The following GNG7 variants were observed in gnomAD, a reference collection of about 807,000 sequenced individuals.
GNG7 encodes the protein G protein subunit gamma 7, also known as guanine nucleotide-binding protein G(I)/G(S)/G(O) subunit gamma-7.
Under a neutral mutation model 4.0 loss-of-function variants are expected in GNG7, and 1 was observed. The ratio of observed to expected loss-of-function variants is 0.25; its 90% CI spans 0.09 to 1.18. GNG7 has a LOEUF of 1.18. Among genes scored for constraint, GNG7 ranks in the 50% most tolerant of loss-of-function variants. The pLI is 0.50. For missense variants in GNG7, 86 were observed against 91.9 expected, an observed-to-expected ratio of 0.94 and a Z score of 0.26; for synonymous variants, 34 against 36.9, an observed-to-expected ratio of 0.92 and a Z score of 0.29.
At chr19:2,688,927 C>G (rs1401132650) in intron 1 of GNG7, among the ~76,000 whole-genome samples, 3 of 151,650 alleles carry the variant, frequency 2.0e-5, no homozygotes, top group African/African-American at 7.3e-5. Context: ...TAGCCAGGCA[C>G]GGGGTTGCGT....
intron 2 of GNG7, among the ~76,000 whole-genome samples, chr19:2,606,816 C>G (rs1370061205): frequency 1.3e-5 from 2 of 151,608 alleles, no homozygotes; most frequent in Non-Finnish European, 2.9e-5. Context: ...CAAAACTAAA[C>G]TGAGAAGGTT....
In GNG7 at chr19:2,633,913, AC is replaced by A. The variant is rs1312190413; in HGVS notation, c.-78+12310del. On this transcript the variant is annotated intron_variant, in intron 2 of 4. Coordinates refer to ENST00000382159, the MANE Select transcript of GNG7 (RefSeq NM_052847.3). The surrounding 1 kb of genome is among the most constrained non-coding windows in gnomAD (Gnocchi z 5.9). Reference sequence around the variant, plus strand: ...CCCTGACCTCCACCCCATGGCATCCACCAATCGAGGCAGCCACAAATGTCTC... The same window carrying A: ...CCCTGACCTCCACCCCATGGCATCCACAATCGAGGCAGCCACAAATGTCTC... Among the ~76,000 whole-genome samples, 1 of 151,914 alleles carries A rather than the reference AC, an allele frequency of 6.6e-6. No homozygotes were observed. Among genetic ancestry groups the A allele is most frequent in the Non-Finnish European group, 1.5e-5 (1 of 67,946 alleles).
In GNG7 at chr19:2,587,120, G is replaced by A; in HGVS notation, c.-77-31932C>T. 1.3e-5 allele frequency among the ~76,000 whole-genome samples: 2 copies of A among 152,096 alleles called. 1 individual carries two copies. Among genetic ancestry groups the A allele is most frequent in the Admixed American group, 1.3e-4 (2 of 15,256 alleles). ...AGACGTCACCCGATGTCCCCCAGGG[G>A]CTAGGATCAGCCGCAGGTTAGGACC... On this transcript the variant is annotated intron_variant, in intron 2 of 4. Transcript: ENST00000382159.
intron 2 of GNG7, among the ~76,000 whole-genome samples, chr19:2,598,990 G>C (rs1981118570): frequency 6.6e-6 from 1 of 152,220 alleles, no homozygotes; most frequent in South Asian, 2.1e-4. Context: ...GAAGTTTCTA[G>C]CATACAGTTC....
At chr19:2,654,663 G>A (rs188614397) in intron 1 of GNG7, among the ~76,000 whole-genome samples, 5 of 152,354 alleles carry the variant, frequency 3.3e-5, no homozygotes, top group Non-Finnish European at 7.4e-5. Context: ...GGAGAATCCC[G>A]GGAACTGGAG....
rs528981346 is a variant in GNG7 at position 2,557,245 on chromosome 19, G to GCA, written c.-77-2059_-77-2058dup. Among the ~76,000 whole-genome samples, 2 of 148,418 alleles carry GCA rather than the reference G, an allele frequency of 1.3e-5. No homozygotes were observed. Among genetic ancestry groups the GCA allele is most frequent in the Non-Finnish European group, 3.0e-5 (2 of 67,174 alleles). On this transcript the variant is annotated intron_variant, in intron 2 of 4. Transcript: ENST00000382159. This position sits in a 1 kb window ranked among gnomAD's most constrained non-coding sequence, Gnocchi z 5.1. The stretch of plus-strand genomic sequence containing the variant: ...CACATGCACACACAGACGCACATGT[G>GCA]CACACACACGTGCACACACATTTGC...
intron 2 of GNG7, among the ~76,000 whole-genome samples, chr19:2,567,625 C>T (rs191690349): frequency 3.2e-4 from 49 of 152,238 alleles, no homozygotes; most frequent in Admixed American, 1.8e-3. Context: ...TGCACTGGGC[C>T]GGTGTCCTCT....
chr19:2,608,550 C>T (rs1981465661), intron 2 of GNG7, among the ~76,000 whole-genome samples: 1 of 152,252 alleles, frequency 6.6e-6, no homozygotes, highest in South Asian at 2.1e-4. Context: ...CCTCTCGAGT[C>T]ATCTGCAGAG....
intron 2 of GNG7, chr19:2,642,428 C>CCG: frequency 3.3e-6 from 1 of 306,238 alleles, no homozygotes; most frequent in Admixed American, 4.7e-5. Context: ...TGCAGTGGTG[C>CCG]AATCATAGCC....
rs116433608 is a variant in GNG7 at position 2,589,477 on chromosome 19, C to A, written c.-77-34289G>T. Among the ~76,000 whole-genome samples, 478 of 150,028 alleles carry A rather than the reference C, an allele frequency of 3.2e-3. 4 individuals carry two copies. Among genetic ancestry groups the A allele is most frequent in the African/African-American group, 0.011 (456 of 40,710 alleles). On this transcript the variant is annotated intron_variant, in intron 2 of 4. Coordinates refer to ENST00000382159, the MANE Select transcript of GNG7 (RefSeq NM_052847.3). ...TCAAGTGATCCGTCCGCCTTGGCCT[C>A]CCTAAGTGCTGAGATCACAGGCATG...
intron 2 of GNG7, among the ~76,000 whole-genome samples, chr19:2,569,316 C>T (rs1037810955): frequency 6.6e-6 from 1 of 152,112 alleles, no homozygotes; most frequent in African/African-American, 2.4e-5. Context: ...CGCTCTGTCG[C>T]CCAGGCTGGA....
At chr19:2,646,009 G>A (rs748548765) in intron 2 of GNG7, among the ~76,000 whole-genome samples, 5 of 152,102 alleles carry the variant, frequency 3.3e-5, no homozygotes, top group African/African-American at 7.2e-5. Context: ...TGAGTGCCAC[G>A]TTCCCTGCCT....
At chr19:2,559,990 AAG>A (rs1056738344) in intron 2 of GNG7, among the ~76,000 whole-genome samples, 5 of 152,054 alleles carry the variant, frequency 3.3e-5, no homozygotes, top group African/African-American at 9.7e-5. Context: ...AATCACCAAA[AAG>A]AGCACAAAAA....
chr19:2,569,113 A>G (rs1285749228), intron 2 of GNG7, among the ~76,000 whole-genome samples: 1 of 152,066 alleles, frequency 6.6e-6, no homozygotes, highest in Non-Finnish European at 1.5e-5. Flanking sequence ...AAATGCACAC[A>G]TGCATATACC....
rs539502612 is a variant in GNG7 at position 2,608,105 on chromosome 19, A to T, written c.-78+38119T>A. ...GTCAGTGGGAAGGTGGAGGAAAAAAAAAATAAATAAAGGTTAGGCTGAGGT... is the reference window on the plus strand; with the variant it reads ...GTCAGTGGGAAGGTGGAGGAAAAAATAAATAAATAAAGGTTAGGCTGAGGT... On this transcript the variant is annotated intron_variant, in intron 2 of 4. Coordinates refer to ENST00000382159, the MANE Select transcript of GNG7 (RefSeq NM_052847.3). Among the ~76,000 whole-genome samples, 154 of 151,690 alleles carry T rather than the reference A, an allele frequency of 1.0e-3. 1 individual carries two copies. The highest frequency in any genetic ancestry group is 2.6e-3 in the African/African-American group (106 of 41,086).
chr19:2,583,335 T>A (rs10413722), intron 2 of GNG7, among the ~76,000 whole-genome samples: 17 of 152,216 alleles, frequency 1.1e-4, no homozygotes, highest in South Asian at 2.1e-4. Flanking sequence ...AAAGTTGTAC[T>A]ATTTTGATGA....
At chr19:2,544,305 A>C (rs1979055493) in intron 3 of GNG7, among the ~76,000 whole-genome samples, 1 of 152,178 alleles carries the variant, frequency 6.6e-6, no homozygotes, top group Non-Finnish European at 1.5e-5. Context: ...GTTTGCAGAG[A>C]GCTGTGTCCC....
intron 1 of GNG7, among the ~76,000 whole-genome samples, chr19:2,655,838 G>GAAAAAAAAAA (rs56041767): frequency 3.7e-5 from 2 of 54,750 alleles, no homozygotes; most frequent in Non-Finnish European, 6.6e-5. Context: ...GGCTCCGTCT[G>GAAAAAAAAAA]AAAAAAAAAA....
Position 2,693,832 on chromosome 19 carries a change from G to C in GNG7, c.-135+8814C>G, listed in dbSNP as rs560312132. ...GACAGCACCAGATAAATGCGTCAAG[G>C]GTTAAAGAATGAACGCCCACATTCT... is the stretch of plus-strand genomic sequence containing the variant. On this transcript the variant is annotated intron_variant, in intron 1 of 4. Coordinates refer to ENST00000382159, the MANE Select transcript of GNG7 (RefSeq NM_052847.3). Among the ~76,000 whole-genome samples, 16 of 152,156 alleles carry C rather than the reference G, an allele frequency of 1.1e-4. 1 individual carries two copies. The highest frequency in any genetic ancestry group is 3.9e-4 in the African/African-American group (16 of 41,462).
Sources: allele counts gnomAD v4.1 joint callset (sites outside exome capture counted in the v4.1 genomes callset), GRCh38; gene constraint gnomAD v4.1.1; non-coding constraint Gnocchi (gnomAD v3.1); transcripts MANE v1.5; gene names NCBI Gene and HGNC (gene_info 2026-07-23, HGNC 2026-07-21).